The following FSTL4 variants were observed in gnomAD, a reference collection of about 807,000 sequenced individuals.
FSTL4 encodes the protein follistatin like 4.
Under a neutral mutation model 78.2 loss-of-function variants are expected in FSTL4, and 28 were observed. That is an observed-to-expected ratio of 0.36 (90% CI 0.27 to 0.49). The LOEUF (loss-of-function observed/expected upper bound fraction) is 0.49. Ranked by LOEUF, FSTL4 falls within the 20% of genes least tolerant of loss-of-function variation. The probability of loss-of-function intolerance (pLI) is 0.98; values close to 1 mark genes in which losing one functional copy is unlikely to be tolerated. For missense variants in FSTL4, 922 were observed against 1,084.9 expected (o/e 0.85, Z 2.11); for synonymous variants, 422 against 440.5 (o/e 0.96, Z 0.53).
chr5:133,268,073 T>C (rs988732877), intron 6 of FSTL4, among the ~76,000 whole-genome samples: 1 of 152,216 alleles, frequency 6.6e-6, no homozygotes, highest in Non-Finnish European at 1.5e-5. Context: ...TATGTAGTAG[T>C]TTCTGAAAAA....
chr5:133,574,005 G>C (rs1329029489), intron 2 of FSTL4, among the ~76,000 whole-genome samples: 3 of 152,112 alleles, frequency 2.0e-5, no homozygotes, highest in Non-Finnish European at 4.4e-5. Flanking sequence ...TTCTTAAAGA[G>C]GATGTGAAAA....
intron 4 of FSTL4, among the ~76,000 whole-genome samples, chr5:133,370,091 T>C (rs1218903068): frequency 6.6e-6 from 1 of 152,192 alleles, no homozygotes; most frequent in African/African-American, 2.4e-5. Context: ...CTTACTGTTC[T>C]AGCTCCTTTG....
At position 133,493,869 on chromosome 5, in the gene FSTL4, C is replaced by T. The variant is rs897984872; in HGVS notation, c.160+73317G>A. On this transcript the variant is annotated intron_variant, in intron 3 of 15. Transcript: ENST00000265342. ...GGAGGGGTCCAGGGTCAACTCAGAT[C>T]GTCCTTCTGCCGGATATTGAACCTT... 3.9e-5 allele frequency among the ~76,000 whole-genome samples: 6 copies of T among 152,296 alleles called. No individual in the cohort carries two copies. The East Asian group carries it at 5.8e-4, about 15-fold the overall frequency.
At chr5:133,245,710 C>T (rs907788988) in intron 7 of FSTL4, among the ~76,000 whole-genome samples, 3 of 152,180 alleles carry the variant, frequency 2.0e-5, no homozygotes, top group Non-Finnish European at 4.4e-5. Flanking sequence ...TCCCCATGTA[C>T]GCCACCTGGA....
At chr5:133,595,025 T>C (rs1297386178) in intron 2 of FSTL4, among the ~76,000 whole-genome samples, 1 of 152,180 alleles carries the variant, frequency 6.6e-6, no homozygotes, top group African/African-American at 2.4e-5. Flanking sequence ...ACCCTGAAAA[T>C]TCTAAGCACA....
the FSTL4 span, among the ~76,000 whole-genome samples, chr5:133,775,743 A>G: frequency 6.6e-6 from 1 of 152,134 alleles, no homozygotes; most frequent in Non-Finnish European, 1.5e-5. Flanking sequence ...CCTCATAGGG[A>G]ACTTCCTATT....
In FSTL4 at chr5:133,249,471, G is replaced by T. The variant is rs1254927136; in HGVS notation, c.833C>A (p.Pro278Gln). ...LTCAVHGDLR[P>Q]PIIWKRNGLT... ...CCCGTTGCGCTTCCAGATGATTGGT[G>T]GCCTCAGGTCTCCATGGACGGCGCA... Residue 278 changes from proline to glutamine, a missense_variant, in exon 7 of 16, where the codon CCA becomes CAA. Physicochemically the swap from Pro to Gln is moderately conservative, Grantham distance 76 (BLOSUM62 -1). Transcript: ENST00000265342. The T allele has an allele frequency of 2.5e-5, 40 of 1,613,686 alleles. No individual in the cohort carries two copies. Among genetic ancestry groups the T allele is most frequent in the Non-Finnish European group, 3.3e-5 (39 of 1,179,754 alleles).
chr5:133,817,448 G>T, the FSTL4 span, among the ~76,000 whole-genome samples: 1 of 152,158 alleles, frequency 6.6e-6, no homozygotes, highest in African/African-American at 2.4e-5. Context: ...GGAAGATAGG[G>T]TGACCAAAGA....
intron 6 of FSTL4, among the ~76,000 whole-genome samples, chr5:133,299,648 C>A (rs999805447): frequency 1.3e-5 from 2 of 152,168 alleles, no homozygotes; most frequent in African/African-American, 4.8e-5. Flanking sequence ...CACTGGCATT[C>A]CTTTCCAATT....
chr5:133,349,286 C>CCT (rs144025396), intron 4 of FSTL4, among the ~76,000 whole-genome samples: 4,833 of 143,024 alleles, frequency 0.034, 106 homozygotes, highest in Middle Eastern at 0.05. Context: ...CTGTTGAAAG[C>CCT]CTCTCTCTCT....
chr5:133,441,408 G>C (rs752985383), intron 3 of FSTL4, among the ~76,000 whole-genome samples: 4 of 152,192 alleles, frequency 2.6e-5, no homozygotes, highest in Non-Finnish European at 4.4e-5. Flanking sequence ...GATGCCTTCA[G>C]TGTGTAGGAA....
chr5:133,604,028 AT>A, intron 1 of FSTL4, 35 bp from the exon 2 acceptor site: 1 of 1,481,772 alleles, frequency 6.7e-7, no homozygotes, highest in Non-Finnish European at 9.4e-7. Context: ...AGAATAAAAC[AT>A]TATGAGATGG....
At chr5:133,311,036 C>T (rs1753767207) in intron 6 of FSTL4, among the ~76,000 whole-genome samples, 1 of 152,096 alleles carries the variant, frequency 6.6e-6, no homozygotes, top group South Asian at 2.1e-4. Flanking sequence ...AAAAAATGTC[C>T]CCCCTTCCCC....
At chr5:133,223,033 T>C (rs796405165) in intron 11 of FSTL4, among the ~76,000 whole-genome samples, 19 of 152,334 alleles carry the variant, frequency 1.2e-4, no homozygotes, top group African/African-American at 4.6e-4. Context: ...TTGTAGCTGA[T>C]TTCACATTCC....
At chr5:133,211,454 C>T (rs1201906378) in intron 13 of FSTL4, among the ~76,000 whole-genome samples, 1 of 152,184 alleles carries the variant, frequency 6.6e-6, no homozygotes, top group Non-Finnish European at 1.5e-5. Flanking sequence ...TCTTTTCCTC[C>T]TCCCCACCTC....
chr5:133,681,479 C>T, the FSTL4 span, among the ~76,000 whole-genome samples: 1 of 151,972 alleles, frequency 6.6e-6, no homozygotes, highest in Non-Finnish European at 1.5e-5. Flanking sequence ...GTCCTAGATA[C>T]GTTAATATAT....
the FSTL4 span, among the ~76,000 whole-genome samples, chr5:133,642,716 T>C: frequency 1.3e-5 from 2 of 152,226 alleles, no homozygotes; most frequent in South Asian, 4.1e-4. Flanking sequence ...GACAGAGTTG[T>C]ACAATTATGC....
intron 3 of FSTL4, among the ~76,000 whole-genome samples, chr5:133,538,993 T>G (rs1038897778): frequency 6.6e-6 from 1 of 152,158 alleles, no homozygotes; most frequent in African/African-American, 2.4e-5. Flanking sequence ...CTTCACAAGA[T>G]GGTAACCTCA....
chr5:133,456,300 T>C (rs996183836), intron 3 of FSTL4, among the ~76,000 whole-genome samples: 9 of 152,224 alleles, frequency 5.9e-5, no homozygotes, highest in Non-Finnish European at 1.3e-4. Flanking sequence ...AAGCTGGCCG[T>C]CCTGAGACAA....
Sources: allele counts gnomAD v4.1 joint callset (sites outside exome capture counted in the v4.1 genomes callset), GRCh38; gene constraint gnomAD v4.1.1; transcripts MANE v1.5; gene names NCBI Gene and HGNC (gene_info 2026-07-23, HGNC 2026-07-21).